Variants in SDK1 observed in about 807,000 individuals in gnomAD.
SDK1 encodes the protein protein sidekick-1.
Under a neutral mutation model 245.5 loss-of-function variants are expected in SDK1, and 157 were observed. That is an observed-to-expected ratio of 0.64 (90% CI 0.56 to 0.73). SDK1 has a LOEUF of 0.73. SDK1 is among the 30% of genes least tolerant of loss of function. SDK1 has a pLI of 0.00. For missense variants in SDK1, 3,583 were observed against 3,002.3 expected (o/e 1.19, Z -4.52); for synonymous variants, 1,647 against 1,278.5 (o/e 1.29, Z -6.15).
At chr7:3,509,723 A>C (rs1040306845) in intron 1 of SDK1, among the ~76,000 whole-genome samples, 3 of 152,208 alleles carry the variant, frequency 2.0e-5, no homozygotes, top group Admixed American at 2.0e-4. Context: ...AGAGAGCAGC[A>C]GCCAGACATG....
At chr7:3,779,106 A>T (rs969032317) in intron 4 of SDK1, among the ~76,000 whole-genome samples, 1 of 152,192 alleles carries the variant, frequency 6.6e-6, no homozygotes, top group African/African-American at 2.4e-5. Context: ...AATTCTGCGG[A>T]GTTTCTTTTC....
intron 4 of SDK1, among the ~76,000 whole-genome samples, chr7:3,810,711 T>A (rs984152625): frequency 2.6e-5 from 4 of 152,222 alleles, no homozygotes; most frequent in African/African-American, 9.7e-5. Context: ...CTAGACAGCA[T>A]CTTTCCTAAA....
At chr7:3,852,522 C>T (rs1189156139) in intron 5 of SDK1, among the ~76,000 whole-genome samples, 26 of 151,222 alleles carry the variant, frequency 1.7e-4, no homozygotes, top group South Asian at 6.3e-4. Flanking sequence ...CCGAGGCGGG[C>T]GGATCACGAG....
chr7:3,480,133 T>C (rs1210450989), intron 1 of SDK1, among the ~76,000 whole-genome samples: 1 of 152,232 alleles, frequency 6.6e-6, no homozygotes, highest in South Asian at 2.1e-4. Flanking sequence ...ACAGAGCTAA[T>C]CTTGGATTAT....
At chr7:3,711,397 A>G (rs1197393749) in intron 4 of SDK1, among the ~76,000 whole-genome samples, 1 of 152,206 alleles carries the variant, frequency 6.6e-6, no homozygotes, top group Non-Finnish European at 1.5e-5. Flanking sequence ...TGGGAGAGAC[A>G]GGTAGTTCCA....
chr7:3,676,207 C>T (rs528296466), intron 4 of SDK1, among the ~76,000 whole-genome samples: 3 of 151,784 alleles, frequency 2.0e-5, no homozygotes, highest in Admixed American at 1.3e-4. Flanking sequence ...TTTGTGGAGA[C>T]GGGGTCTCAC....
chr7:3,453,920 T>A (rs1472324900), intron 1 of SDK1, among the ~76,000 whole-genome samples: 10 of 152,154 alleles, frequency 6.6e-5, no homozygotes, highest in Admixed American at 6.5e-4. Flanking sequence ...TTGGATTGAC[T>A]GTTAAGTAAT....
At position 4,267,467 on chromosome 7, in the gene SDK1, A is replaced by C; in HGVS notation, c.*2083A>C. 3 of 985,434 alleles carry C rather than the reference A, an allele frequency of 3.0e-6. No homozygotes were observed. The highest frequency in any genetic ancestry group is 3.6e-6 in the Non-Finnish European group (3 of 829,948). 61.0% of individuals were successfully genotyped at this position (985,434 alleles called of 1,614,324 possible). A position where few individuals can be genotyped will look rare whatever the true frequency, so the allele number is the denominator to read the frequency against. Reference sequence around the variant, plus strand: ...CACAGTTCCCCGGATGAGACTCACCACAGTGGACAGTGCCACCTCCTTCCC... The same window carrying C: ...CACAGTTCCCCGGATGAGACTCACCCCAGTGGACAGTGCCACCTCCTTCCC... On this transcript the variant is annotated 3_prime_UTR_variant, in exon 45 of 45. Transcript: ENST00000404826.
chr7:4,218,535 C>T (rs887570645), intron 38 of SDK1, among the ~76,000 whole-genome samples: 1 of 152,230 alleles, frequency 6.6e-6, no homozygotes, highest in Non-Finnish European at 1.5e-5. Context: ...GAGAAATTTG[C>T]TTTGATGGCT....
chr7:3,422,333 C>A (rs1031528781), intron 1 of SDK1, among the ~76,000 whole-genome samples: 1 of 152,092 alleles, frequency 6.6e-6, no homozygotes, highest in East Asian at 1.9e-4. Flanking sequence ...TTGGTGAAGT[C>A]AAGAGTGAAA....
At chr7:3,578,707 C>T (rs1477791523) in intron 1 of SDK1, among the ~76,000 whole-genome samples, 5 of 151,808 alleles carry the variant, frequency 3.3e-5, no homozygotes, top group Admixed American at 6.6e-5. Context: ...CTTGCACATC[C>T]GTTTATAGGC....
At chr7:3,539,776 G>T (rs962797939) in intron 1 of SDK1, among the ~76,000 whole-genome samples, 1 of 152,068 alleles carries the variant, frequency 6.6e-6, no homozygotes, top group Non-Finnish European at 1.5e-5. Flanking sequence ...TAATTTTTAG[G>T]GCTCACCAAC....
At chr7:3,592,539 T>G (rs1238246908) in intron 1 of SDK1, among the ~76,000 whole-genome samples, 2 of 152,246 alleles carry the variant, frequency 1.3e-5, no homozygotes, top group Admixed American at 6.5e-5. Flanking sequence ...GTATTGCTGC[T>G]GATGAATTCT....
chr7:4,108,574 T>G (rs759399387), intron 22 of SDK1, among the ~76,000 whole-genome samples: 18 of 152,176 alleles, frequency 1.2e-4, no homozygotes, highest in Non-Finnish European at 2.4e-4. Flanking sequence ...TTTGCCGACT[T>G]CCGGGGTATT....
chr7:3,911,647 C>G (rs1462728038), intron 5 of SDK1, among the ~76,000 whole-genome samples: 4 of 152,142 alleles, frequency 2.6e-5, no homozygotes, highest in African/African-American at 7.2e-5. Flanking sequence ...ACATTCAAAC[C>G]ACATCACCTG....
chr7:3,444,248 T>TA (rs1242661386), intron 1 of SDK1, among the ~76,000 whole-genome samples: 2 of 152,190 alleles, frequency 1.3e-5, no homozygotes, highest in Admixed American at 6.5e-5. Flanking sequence ...AGTGTGGTCT[T>TA]ACAGTATTTA....
chr7:3,390,218 AG>A (rs1316741723), intron 1 of SDK1, among the ~76,000 whole-genome samples: 1 of 152,170 alleles, frequency 6.6e-6, no homozygotes, highest in African/African-American at 2.4e-5. Flanking sequence ...GGAGGGTTCC[AG>A]GGTGCCCTTT....
At chr7:3,551,819 G>A (rs984221844) in intron 1 of SDK1, among the ~76,000 whole-genome samples, 1 of 151,898 alleles carries the variant, frequency 6.6e-6, no homozygotes, top group South Asian at 2.1e-4. Flanking sequence ...GAGATTACAG[G>A]CATGAGCCAC....
At chr7:3,326,622 T>C (rs1231634398) in intron 1 of SDK1, among the ~76,000 whole-genome samples, 1 of 152,210 alleles carries the variant, frequency 6.6e-6, no homozygotes, top group African/African-American at 2.4e-5. Context: ...TGAGTCCTCA[T>C]TGCTACATCT....
Sources: gnomAD v4.1 joint callset for allele counts (sites outside exome capture counted in the v4.1 genomes callset) on GRCh38, gnomAD v4.1.1 for gene constraint, MANE v1.5 for transcripts, NCBI Gene and HGNC (gene_info 2026-07-23, HGNC 2026-07-21) for gene names.